SLC35F1: variants seen among roughly 807,000 people sequenced by gnomAD.
The protein encoded by SLC35F1 is chromosome 6 open reading frame 169.
In SLC35F1, 14 loss-of-function variants were observed where a neutral mutation model predicts 48.7. The observed-to-expected ratio is 0.29, with a 90% CI of 0.19 to 0.45. The LOEUF (loss-of-function observed/expected upper bound fraction) is 0.45. Ranked by LOEUF, SLC35F1 falls within the 20% of genes least tolerant of loss-of-function variation. The pLI is 1.00. For missense variants in SLC35F1, 404 were observed against 500.0 expected, an observed-to-expected ratio of 0.81 and a Z score of 1.83; for synonymous variants, 190 against 202.2, an observed-to-expected ratio of 0.94 and a Z score of 0.51.
rs184298317 is a variant in SLC35F1, at chr6:118,029,181, A to G, written c.173+121282A>G. On this transcript the variant is annotated intron_variant, in intron 1 of 7. Transcript: ENST00000360388. ...TAGATGTAGAGCATGGAGATCAAGC[A>G]GAATAAACATACAGAAAAAGCAACT... Among the ~76,000 whole-genome samples the G allele has an allele frequency of 2.6e-5, 4 of 152,242 alleles. No homozygotes were observed. The East Asian group carries it at 7.7e-4, about 29-fold the overall frequency.
intron 4 of SLC35F1, among the ~76,000 whole-genome samples, chr6:118,274,821 C>A (rs964293440): frequency 6.6e-6 from 1 of 152,142 alleles, no homozygotes; most frequent in Admixed American, 6.5e-5. Context: ...CCCATAAATC[C>A]TTTCACTCTC....
chr6:118,101,340 G>T (rs1773255583), intron 1 of SLC35F1, among the ~76,000 whole-genome samples: 1 of 152,196 alleles, frequency 6.6e-6, no homozygotes, highest in Non-Finnish European at 1.5e-5. Flanking sequence ...CTTGCCACAG[G>T]GAGGGAGTGA....
intron 1 of SLC35F1, among the ~76,000 whole-genome samples, chr6:117,953,441 T>C (rs1468593716): frequency 1.3e-5 from 2 of 152,204 alleles, no homozygotes; most frequent in Non-Finnish European, 2.9e-5. Context: ...ATAAGAGACA[T>C]GTTTGTATAA....
Position 118,213,914 on chromosome 6 carries a change from A to G in SLC35F1, c.350-21595A>G, listed in dbSNP as rs1466369742. 5.3e-5 allele frequency among the ~76,000 whole-genome samples: 8 copies of G among 152,226 alleles called. No homozygotes were observed. The East Asian group carries it at 1.5e-3, about 29-fold the overall frequency. On this transcript the variant is annotated intron_variant, in intron 2 of 7. Transcript: ENST00000360388. Reference sequence around the variant, plus strand: ...GATGTGAAGGAAAGTGAACACTTCAACTTGACATGGAGTGTTTTACTTTTT... The same window carrying G: ...GATGTGAAGGAAAGTGAACACTTCAGCTTGACATGGAGTGTTTTACTTTTT...
At chr6:118,048,396 T>C (rs1181824221) in intron 1 of SLC35F1, among the ~76,000 whole-genome samples, 1 of 152,110 alleles carries the variant, frequency 6.6e-6, no homozygotes, top group Admixed American at 6.6e-5. Flanking sequence ...GCTGGCCTCA[T>C]AAAATGAGTA....
chr6:118,048,794 C>T (rs1010631208), intron 1 of SLC35F1, among the ~76,000 whole-genome samples: 3 of 152,198 alleles, frequency 2.0e-5, no homozygotes, highest in African/African-American at 2.4e-5. Context: ...CTGCCCAAGG[C>T]AATTTATAGA....
At chr6:117,932,468 A>G (rs1320328554) in intron 1 of SLC35F1, among the ~76,000 whole-genome samples, 1 of 152,150 alleles carries the variant, frequency 6.6e-6, no homozygotes, top group Admixed American at 6.6e-5. Flanking sequence ...TCATACTATA[A>G]CGACATAGAT....
At chr6:117,938,386 C>T (rs184754560) in intron 1 of SLC35F1, among the ~76,000 whole-genome samples, 3 of 152,338 alleles carry the variant, frequency 2.0e-5, no homozygotes, top group East Asian at 1.9e-4. Context: ...ACTCACTATT[C>T]GAAACCTTGA....
At chr6:117,966,193 A>C (rs182989927) in intron 1 of SLC35F1, among the ~76,000 whole-genome samples, 5 of 131,226 alleles carry the variant, frequency 3.8e-5, no homozygotes, top group African/African-American at 1.2e-4. Context: ...GTCCCTGTCC[A>C]TGCTGTGGAA....
chr6:118,285,763 T>A (rs377395121), intron 7 of SLC35F1, among the ~76,000 whole-genome samples: 62 of 152,370 alleles, frequency 4.1e-4, no homozygotes, highest in African/African-American at 1.4e-3. Flanking sequence ...GTTTCTGCTT[T>A]GCAGATTTTT....
chr6:118,221,347 G>A (rs1227850336), intron 2 of SLC35F1, among the ~76,000 whole-genome samples: 1 of 152,104 alleles, frequency 6.6e-6, no homozygotes, highest in African/African-American at 2.4e-5. Flanking sequence ...CAGAATGCCG[G>A]GAAATGAACA....
At chr6:118,037,520 G>A (rs1772151637) in intron 1 of SLC35F1, among the ~76,000 whole-genome samples, 1 of 151,948 alleles carries the variant, frequency 6.6e-6, no homozygotes, top group African/African-American at 2.4e-5. Context: ...TTTTGGGGGG[G>A]TTACTTTGAG....
chr6:118,218,376 C>G (rs1359457913), intron 2 of SLC35F1, among the ~76,000 whole-genome samples: 1 of 152,124 alleles, frequency 6.6e-6, no homozygotes, highest in Non-Finnish European at 1.5e-5. Flanking sequence ...GCAGCACTCT[C>G]CGTTGAAGTC....
At chr6:118,067,758 C>T (rs1052164899) in intron 1 of SLC35F1, among the ~76,000 whole-genome samples, 14 of 152,072 alleles carry the variant, frequency 9.2e-5, no homozygotes, top group African/African-American at 3.4e-4. Flanking sequence ...AAAGCAGAGG[C>T]AGGAAAGTAT....
chr6:118,137,352 A>G (rs113852934), intron 1 of SLC35F1, among the ~76,000 whole-genome samples: 40 of 152,236 alleles, frequency 2.6e-4, no homozygotes, highest in African/African-American at 9.2e-4. Context: ...AACTTTTCCA[A>G]GAGTGGAAGA....
intron 2 of SLC35F1, among the ~76,000 whole-genome samples, chr6:118,161,594 A>G (rs1203929830): frequency 6.6e-6 from 1 of 152,206 alleles, no homozygotes; most frequent in African/African-American, 2.4e-5. Flanking sequence ...GTGGGAAATT[A>G]CTTGGCAAAT....
chr6:118,241,114 A>C lies in SLC35F1; in HGVS notation c.477+5478A>C, dbSNP rs567526578. On this transcript the variant is annotated intron_variant, in intron 3 of 7. Coordinates refer to ENST00000360388, the MANE Select transcript of SLC35F1 (RefSeq NM_001029858.4). The stretch of plus-strand genomic sequence containing the variant: ...GAGTTAAGCTGGGCCATATTGTAGA[A>C]GGTCTTCAATGCCAGAATGACTTAA... Among the ~76,000 whole-genome samples, 12 of 152,338 alleles carry C rather than the reference A, an allele frequency of 7.9e-5. No homozygotes were observed. The South Asian group carries it at 2.5e-3, about 32-fold the overall frequency.
At chr6:118,146,100 C>G (rs532033919) in intron 1 of SLC35F1, among the ~76,000 whole-genome samples, 1 of 152,282 alleles carries the variant, frequency 6.6e-6, no homozygotes, top group East Asian at 1.9e-4. Flanking sequence ...ATGCCTCCCT[C>G]AGACAGGCCT....
chr6:118,009,899 T>TC (rs1210063602), intron 1 of SLC35F1, among the ~76,000 whole-genome samples: 1 of 152,180 alleles, frequency 6.6e-6, no homozygotes, highest in Non-Finnish European at 1.5e-5. Context: ...ATGTCGAGTG[T>TC]CCACCTTCCT....
Sources: gnomAD v4.1 joint callset for allele counts (sites outside exome capture counted in the v4.1 genomes callset) on GRCh38, gnomAD v4.1.1 for gene constraint, MANE v1.5 for transcripts, NCBI Gene and HGNC (gene_info 2026-07-23, HGNC 2026-07-21) for gene names.